The following ERCC6 variants were observed in gnomAD, a reference collection of about 807,000 sequenced individuals.
ERCC6 encodes the protein ERCC excision repair 6, chromatin remodeling factor, also known as DNA excision repair protein ERCC-6.
ERCC6 carries 116 observed loss-of-function variants against 158.7 expected under a neutral mutation model. The observed-to-expected ratio is 0.73, with a 90% CI of 0.63 to 0.85. The LOEUF is 0.85. ERCC6 is among the 40% of genes least tolerant of loss of function. The pLI, the probability that ERCC6 is intolerant of heterozygous loss-of-function variation, is 0.00. For synonymous variants in ERCC6, 678 were observed against 659.3 expected (o/e 1.03, Z -0.43); for missense variants, 1,698 against 1,799.4 (o/e 0.94, Z 1.02).
Position 49,524,322 on chromosome 10 carries a change from C to T in ERCC6, c.1108G>A (p.Glu370Lys). 6.2e-7 allele frequency: 1 copy of T among 1,614,128 alleles called. No homozygotes were observed. The highest frequency in any genetic ancestry group is 8.5e-7 in the Non-Finnish European group (1 of 1,180,014). Reference protein sequence around the residue: ...RPEAEGDSEGEESEYFPTEEE... With the variant: ...RPEAEGDSEGKESEYFPTEEE... The stretch of plus-strand genomic sequence containing the variant: ...TCTGTGGGGAAATACTCAGACTCTT[C>T]ACCCTCAGAGTCTCCCTCTGCCTCT... Residue 370 changes from glutamate to lysine, a missense_variant, in exon 5 of 21, where the codon GAA becomes AAA. Glu to Lys is a moderately conservative substitution (Grantham distance 56). Coordinates refer to ENST00000355832, the MANE Select transcript of ERCC6 (RefSeq NM_000124.4).
intron 4 of ERCC6, among the ~76,000 whole-genome samples, chr10:49,527,549 G>T (rs910705449): frequency 6.6e-6 from 1 of 152,124 alleles, no homozygotes; most frequent in Non-Finnish European, 1.5e-5. Flanking sequence ...GGTGGTATGC[G>T]CCTGTAATCC....
At chr10:49,515,055 TTG>T (rs1418492972) in intron 5 of ERCC6, 6 of 487,028 alleles carry the variant, frequency 1.2e-5, no homozygotes, top group Non-Finnish European at 1.5e-5. Context: ...TAGTCTTCAT[TTG>T]TGTCTCAGCT....
Position 49,514,912 on chromosome 10 carries a change from C to T in ERCC6, c.1398-8900G>A, listed in dbSNP as rs573200363. ...CCTTTTTATGGTCTATCTGGGTAAA[C>T]TTAATTGGCAAATCTGAGCAGATGA... On this transcript the variant is annotated intron_variant, in intron 5 of 20. Coordinates refer to ENST00000355832, the MANE Select transcript of ERCC6 (RefSeq NM_000124.4). Among the ~76,000 whole-genome samples, 502 of 152,260 alleles carry T rather than the reference C, an allele frequency of 3.3e-3. 3 individuals carry two copies. Among genetic ancestry groups the T allele is most frequent in the African/African-American group, 0.012 (478 of 41,546 alleles).
the ERCC6 span, among the ~76,000 whole-genome samples, chr10:49,436,602 TA>T: frequency 1.3e-5 from 2 of 152,196 alleles, no homozygotes; most frequent in African/African-American, 4.8e-5. Context: ...AATGAGATTT[TA>T]AACTAATTTG....
At chr10:49,460,142 A>G (rs1850551504) in intron 20 of ERCC6, 1 of 586,626 alleles carries the variant, frequency 1.7e-6, no homozygotes, top group Admixed American at 2.8e-5. Context: ...TTCTAATGGC[A>G]AAACAGAAAT....
At chr10:49,447,408 C>A in the ERCC6 span, among the ~76,000 whole-genome samples, 1 of 152,346 alleles carries the variant, frequency 6.6e-6, no homozygotes, top group South Asian at 2.1e-4. Flanking sequence ...CACTCCCCAG[C>A]TGGGCGTGGT....
intron 16 of ERCC6, 77 bp downstream of exon 16, chr10:49,472,297 TAA>T: frequency 7.8e-7 from 1 of 1,285,648 alleles, no homozygotes; most frequent in Non-Finnish European, 1.1e-6. Flanking sequence ...TTAAGACTTT[TAA>T]AAACAACACT....
At chr10:49,467,931 T>C (rs981730998) in intron 18 of ERCC6, among the ~76,000 whole-genome samples, 1 of 152,116 alleles carries the variant, frequency 6.6e-6, no homozygotes, top group Admixed American at 6.5e-5. Flanking sequence ...GGTATTTGTA[T>C]ATTCCTGTAA....
At chr10:49,465,164 C>G (rs1025764254) in intron 18 of ERCC6, among the ~76,000 whole-genome samples, 3 of 152,252 alleles carry the variant, frequency 2.0e-5, no homozygotes, top group African/African-American at 7.2e-5. Flanking sequence ...GAACCCACCT[C>G]TTGCATCAGC....
chr10:49,517,269 T>C (rs1308234870), intron 5 of ERCC6: 1 of 1,214,966 alleles, frequency 8.2e-7, no homozygotes, highest in Non-Finnish European at 1.1e-6. Flanking sequence ...GCATAACTAG[T>C]AGAGAAGTTA....
rs139652034 is a variant in ERCC6 at position 49,466,980 on chromosome 10, C to T, written c.3778+3202G>A. Among the ~76,000 whole-genome samples the T allele has an allele frequency of 4.6e-3, 700 of 152,216 alleles. 5 individuals carry two copies. The highest frequency in any genetic ancestry group is 0.015 in the African/African-American group (634 of 41,530). On this transcript the variant is annotated intron_variant, in intron 18 of 20. Transcript: ENST00000355832. ...TATTTTTGTAGAGATGGAGTTTCACCATGTTGTCCAGGTTGGTCTCGAACT... is the reference window on the plus strand; with the variant it reads ...TATTTTTGTAGAGATGGAGTTTCACTATGTTGTCCAGGTTGGTCTCGAACT...
chr10:49,510,585 T>C (rs915866794), intron 5 of ERCC6, among the ~76,000 whole-genome samples: 1 of 152,166 alleles, frequency 6.6e-6, no homozygotes, highest in African/African-American at 2.4e-5. Flanking sequence ...CCATCAAGTG[T>C]AGCATATTGT....
intron 10 of ERCC6, among the ~76,000 whole-genome samples, chr10:49,481,428 A>G (rs1333092518): frequency 6.6e-6 from 1 of 152,252 alleles, no homozygotes; most frequent in Non-Finnish European, 1.5e-5. Context: ...CTCAAAATGT[A>G]AAATATATTA....
intron 12 of ERCC6, among the ~76,000 whole-genome samples, chr10:49,475,737 T>C (rs1057227965): frequency 6.6e-6 from 1 of 152,178 alleles, no homozygotes; most frequent in African/African-American, 2.4e-5. Context: ...CCAGGGACAT[T>C]TGAACCAGAT....
intron 10 of ERCC6, among the ~76,000 whole-genome samples, chr10:49,481,758 A>G (rs1850983342): frequency 6.6e-6 from 1 of 151,932 alleles, no homozygotes; most frequent in Non-Finnish European, 1.5e-5. Context: ...CTTAGCCCCT[A>G]CTCCATCTCC....
chr10:49,498,927 T>G (rs1423499528), intron 7 of ERCC6, among the ~76,000 whole-genome samples: 1 of 152,000 alleles, frequency 6.6e-6, no homozygotes, highest in African/African-American at 2.4e-5. Flanking sequence ...TAGAAACCAT[T>G]TGGAGGAGTT....
chr10:49,536,593 A>G (rs1028659987), intron 1 of ERCC6, among the ~76,000 whole-genome samples: 4 of 152,204 alleles, frequency 2.6e-5, no homozygotes, highest in African/African-American at 9.6e-5. Context: ...CACTGGGGCT[A>G]AAGACTAAGA....
downstream of ERCC6, among the ~76,000 whole-genome samples, chr10:49,451,043 C>T (rs1850414842): frequency 6.6e-6 from 1 of 152,068 alleles, no homozygotes; most frequent in Non-Finnish European, 1.5e-5. Context: ...GATCTCCTGA[C>T]CTCATGATCC....
intron 5 of ERCC6, chr10:49,515,488 T>G (rs760984582): frequency 1.2e-6 from 2 of 1,614,070 alleles, no homozygotes; most frequent in Admixed American, 1.7e-5. Context: ...GAGTCAATGT[T>G]ACGCTTCTGA....
Sources: allele counts gnomAD v4.1 joint callset (sites outside exome capture counted in the v4.1 genomes callset), GRCh38; gene constraint gnomAD v4.1.1; transcripts MANE v1.5; gene names NCBI Gene and HGNC (gene_info 2026-07-23, HGNC 2026-07-21).